HPS1: variants seen among roughly 807,000 people sequenced by gnomAD.
The protein encoded by HPS1 is BLOC-3 complex member HPS1.
Under a neutral mutation model 90.6 loss-of-function variants are expected in HPS1, and 59 were observed. That is an observed-to-expected ratio of 0.65 (90% CI 0.53 to 0.81). The LOEUF (loss-of-function observed/expected upper bound fraction) is 0.81. Ranked by LOEUF, HPS1 falls within the 30% of genes least tolerant of loss-of-function variation. HPS1 has a pLI of 0.00. For missense variants in HPS1, 849 were observed against 896.7 expected, an observed-to-expected ratio of 0.95 and a Z score of 0.68; for synonymous variants, 388 against 384.4, an observed-to-expected ratio of 1.01 and a Z score of -0.11.
chr10:98,422,444 C>CGCCA lies in HPS1; in HGVS notation c.1664_1667dup (p.Pro557GlyfsTer26). 6.2e-7 allele frequency: 1 copy of CGCCA among 1,614,098 alleles called. No homozygotes were observed. Among genetic ancestry groups the CGCCA allele is most frequent in the Non-Finnish European group, 8.5e-7 (1 of 1,179,966 alleles). On this transcript the variant is annotated frameshift_variant, in exon 17 of 20. Transcript: ENST00000361490. LOFTEE classifies it high-confidence loss of function. ...TCTTTTGACTGCAGTTGAGGGAAGGCGCCACCATCTGCCCAGTGGTGCGGT... is the reference window on the plus strand; with the variant it reads ...TCTTTTGACTGCAGTTGAGGGAAGGCGCCAGCCACCATCTGCCCAGTGGTGCGGT...
chr10:98,427,993 G>C (rs1181628647), intron 10 of HPS1, among the ~76,000 whole-genome samples: 1 of 152,114 alleles, frequency 6.6e-6, no homozygotes, highest in African/African-American at 2.4e-5. Context: ...ACAGTTTTAA[G>C]GCATAAAAAA....
Position 98,431,419 on chromosome 10 carries a change from A to AG in HPS1, c.508-129dup, listed in dbSNP as rs1491549538. 1.4e-5 allele frequency: 14 copies of AG among 1,008,954 alleles called. No homozygotes were observed. In the African/African-American group the frequency reaches 2.1e-4, roughly 15 times the overall value. The allele number at this position is 1,008,954 out of a possible 1,614,324, so 62.5% of individuals were successfully genotyped here. On this transcript the variant is annotated intron_variant, in intron 6 of 19. Coordinates refer to ENST00000361490, the MANE Select transcript of HPS1 (RefSeq NM_000195.5). ...GACTCTGCACCAGATACTTGGAAAC[A>AG]GGGGGACTAAGACCCACCAGGTCCC...
intron 10 of HPS1, chr10:98,429,084 T>C (rs916772027): frequency 2.8e-5 from 10 of 358,010 alleles, no homozygotes; most frequent in African/African-American, 1.1e-4. Context: ...TCAGGTGATC[T>C]ACCCGCCTCG....
At chr10:98,425,192 C>A (rs963275649) in intron 13 of HPS1, among the ~76,000 whole-genome samples, 1 of 152,252 alleles carries the variant, frequency 6.6e-6, no homozygotes, top group South Asian at 2.1e-4. Flanking sequence ...CCGTGACGGG[C>A]GGATCCCGAC....
intron 14 of HPS1, 26 bp downstream of exon 14, chr10:98,424,287 C>A: frequency 6.3e-7 from 1 of 1,591,154 alleles, no homozygotes; most frequent in Non-Finnish European, 8.6e-7. Context: ...CACGACCCAC[C>A]CCTTGTCCTG....
chr10:98,430,490 G>A (rs970962795), intron 8 of HPS1, 81 bp downstream of exon 8: 12 of 1,058,242 alleles, frequency 1.1e-5, no homozygotes, highest in Admixed American at 6.0e-5. Context: ...TCCCCAGGGG[G>A]AGCCTGCCCA....
chr10:98,429,423 C>T (rs1198181632), intron 10 of HPS1, 150 bp downstream of exon 10: 35 of 1,544,562 alleles, frequency 2.3e-5, no homozygotes, highest in Admixed American at 1.2e-4. Flanking sequence ...GATGGGGAGC[C>T]GCAGACAGCG....
At chr10:98,420,647 T>A (rs1844730340) in intron 17 of HPS1, among the ~76,000 whole-genome samples, 1 of 151,948 alleles carries the variant, frequency 6.6e-6, no homozygotes, top group South Asian at 2.1e-4. Flanking sequence ...GCCCAGGAGG[T>A]CGAGGCTGCA....
In HPS1 at chr10:98,431,198, G is replaced by A. The variant is rs995101971; in HGVS notation, c.601C>T (p.Arg201Trp). 9 of 1,614,054 alleles carry A rather than the reference G, an allele frequency of 5.6e-6. No homozygotes were observed. The highest frequency in any genetic ancestry group is 2.2e-5 in the East Asian group (1 of 44,872). ...GCATGCAGGGCCTCCTCGCCTCCCCGCTCGGGGCTGGTGTTGACAGCCTGG... is the reference window on the plus strand; with the variant it reads ...GCATGCAGGGCCTCCTCGCCTCCCCACTCGGGGCTGGTGTTGACAGCCTGG... ...VIQAVNTSPERGGEEALHAFL... is the reference protein window; with the variant it reads ...VIQAVNTSPEWGGEEALHAFL... Residue 201 changes from arginine (R) to tryptophan (W), a missense_variant, in exon 7 of 20, where the codon CGG becomes TGG. Coordinates refer to ENST00000361490, the MANE Select transcript of HPS1 (RefSeq NM_000195.5).
intron 18 of HPS1, among the ~76,000 whole-genome samples, chr10:98,418,846 C>T (rs543857375): frequency 2.6e-5 from 4 of 152,376 alleles, no homozygotes; most frequent in South Asian, 2.1e-4. Flanking sequence ...TATCACCCCA[C>T]GGGGCCACCC....
At chr10:98,414,961 C>T (rs915072209), downstream of HPS1, 19 of 1,591,596 alleles carry the variant, frequency 1.2e-5, no homozygotes, top group East Asian at 1.1e-4. Flanking sequence ...CTGAGCAGGG[C>T]TGTCTTCCCG....
At chr10:98,429,337 A>G (rs1230292572) in intron 10 of HPS1, 1 of 1,452,574 alleles carries the variant, frequency 6.9e-7, no homozygotes, top group Admixed American at 2.4e-5. Flanking sequence ...AAATGAATCA[A>G]CTTGTCATCA....
At chr10:98,419,408 G>A (rs1844552704) in intron 18 of HPS1, among the ~76,000 whole-genome samples, 1 of 152,042 alleles carries the variant, frequency 6.6e-6, no homozygotes, top group Non-Finnish European at 1.5e-5. Flanking sequence ...AGAGGAGGGA[G>A]AGACAGGAGG....
At chr10:98,414,989 G>C (rs368162969), downstream of HPS1, 681 of 1,607,466 alleles carry the variant, frequency 4.2e-4, 12 homozygotes, top group South Asian at 7.0e-3. Context: ...GCTCTGGCCC[G>C]GCCTGCTTTA....
At chr10:98,423,279 A>ACCCC (rs10636671) in intron 16 of HPS1, among the ~76,000 whole-genome samples, 21 of 132,130 alleles carry the variant, frequency 1.6e-4, no homozygotes, top group African/African-American at 5.4e-4. Flanking sequence ...GACCACAGGA[A>ACCCC]CCCCCCCCCC....
intron 3 of HPS1, 63 bp downstream of exon 3, chr10:98,443,061 G>C (rs572002946): frequency 8.6e-7 from 1 of 1,166,220 alleles, no homozygotes; most frequent in East Asian, 2.3e-5. Context: ...CTCTCTGCCT[G>C]CTGGGAGTTT....
chr10:98,433,321 T>A (rs1199319126), intron 6 of HPS1, among the ~76,000 whole-genome samples: 1 of 151,806 alleles, frequency 6.6e-6, no homozygotes, highest in Admixed American at 6.6e-5. Flanking sequence ...CCCAGTAACC[T>A]GTATTTAACA....
At chr10:98,427,930 C>G (rs1845830387) in intron 10 of HPS1, among the ~76,000 whole-genome samples, 1 of 152,148 alleles carries the variant, frequency 6.6e-6, no homozygotes, top group Non-Finnish European at 1.5e-5. Context: ...GAGTGCAACC[C>G]AAACCATTTG....
In HPS1 at chr10:98,445,951, G is replaced by T. The variant is rs1939433274; in HGVS notation, c.-105-547C>A. Among the ~76,000 whole-genome samples, 1 of 152,224 alleles carries T rather than the reference G, an allele frequency of 6.6e-6. No homozygotes were observed. Among genetic ancestry groups the T allele is most frequent in the Non-Finnish European group, 1.5e-5 (1 of 68,034 alleles). The stretch of plus-strand genomic sequence containing the variant: ...CTACCTCCCTACAGGGTTAGATCAT[G>T]GGAGTGACCAGGCAAGCTGCAAAGT... On this transcript the variant is annotated intron_variant, in intron 1 of 19. Coordinates refer to ENST00000361490, the MANE Select transcript of HPS1 (RefSeq NM_000195.5). This position sits in a 1 kb window ranked among gnomAD's most constrained non-coding sequence, Gnocchi z 4.5.
Sources: allele counts gnomAD v4.1 joint callset (sites outside exome capture counted in the v4.1 genomes callset), GRCh38; gene constraint gnomAD v4.1.1; non-coding constraint Gnocchi (gnomAD v3.1); transcripts MANE v1.5; gene names NCBI Gene and HGNC (gene_info 2026-07-23, HGNC 2026-07-21).